The following C12orf43 variants were observed in gnomAD, a reference collection of about 807,000 sequenced individuals.
The protein encoded by C12orf43 is protein CUSTOS.
In C12orf43, 15 loss-of-function variants were observed where a neutral mutation model predicts 20.6. The observed-to-expected ratio is 0.73, with a 90% CI of 0.49 to 1.12. The LOEUF is 1.12. C12orf43 is among the 50% of genes most tolerant of loss of function. The pLI, the probability that C12orf43 is intolerant of heterozygous loss-of-function variation, is 0.00. For synonymous variants in C12orf43, 144 were observed against 130.8 expected, an observed-to-expected ratio of 1.10 and a Z score of -0.69; for missense variants, 334 against 344.4, an observed-to-expected ratio of 0.97 and a Z score of 0.24.
intron 3 of C12orf43, among the ~76,000 whole-genome samples, chr12:121,007,716 A>G (rs1461702092): frequency 6.6e-6 from 1 of 152,240 alleles, no homozygotes; most frequent in Non-Finnish European, 1.5e-5. Context: ...GCCACTGTGC[A>G]CAGCAGAGAA....
Position 121,002,534 on chromosome 12 carries a change from A to G in C12orf43, c.*1619T>C, listed in dbSNP as rs562757707. The G allele has an allele frequency of 2.0e-6, 1 of 497,670 alleles. No individual in the cohort carries two copies. Among genetic ancestry groups the G allele is most frequent in the Admixed American group, 2.3e-5 (1 of 43,386 alleles). The allele number at this position is 497,670 out of a possible 1,614,324, so 30.8% of individuals were successfully genotyped here. On this transcript the variant is annotated 3_prime_UTR_variant, in exon 6 of 6. Coordinates refer to ENST00000288757, the MANE Select transcript of C12orf43 (RefSeq NM_022895.3). ...GAAACTTCTTGCTTGTCCACAAATC[A>G]TTCAGATGGGGTTTGGGCAGGTAGC...
intron 3 of C12orf43, among the ~76,000 whole-genome samples, chr12:121,007,553 T>C (rs1039023249): frequency 1.3e-5 from 2 of 152,248 alleles, no homozygotes; most frequent in African/African-American, 4.8e-5. Context: ...CACAAGTAGC[T>C]GCTCAGCAAA....
rs1024895146 is a variant in C12orf43 at position 121,002,612 on chromosome 12, C to G, written c.*1541G>C. 2.8e-6 allele frequency: 1 copy of G among 356,108 alleles called. No homozygotes were observed. 22.1% of individuals were successfully genotyped at this position (356,108 alleles called of 1,614,324 possible). A position where few individuals can be genotyped will look rare whatever the true frequency, so the allele number is the denominator to read the frequency against. On this transcript the variant is annotated 3_prime_UTR_variant, in exon 6 of 6. Coordinates refer to ENST00000288757, the MANE Select transcript of C12orf43 (RefSeq NM_022895.3). ...CGAAGAGGAGACAGGCTCCAGCACC[C>G]ACGCTCTCACACCCCACATCTCTGC...
intron 3 of C12orf43, 82 bp downstream of exon 3, chr12:121,010,746 A>T (rs1241101486): frequency 5.3e-6 from 6 of 1,125,002 alleles, no homozygotes; most frequent in Non-Finnish European, 7.3e-6. Flanking sequence ...GCCAGCCTGG[A>T]CACCGTGAGC....
chr12:121,006,529 G>A, intron 3 of C12orf43, 135 bp from the exon 4 acceptor site: 1 of 784,976 alleles, frequency 1.3e-6, no homozygotes, highest in Non-Finnish European at 2.2e-6. Context: ...TAGTAAGAGG[G>A]CTGATGGTCT....
rs1456506572 is a variant in C12orf43 at position 121,011,149 on chromosome 12, G to A, written c.146-3C>T. On this transcript the variant is annotated splice_region_variant and splice_polypyrimidine_tract_variant and intron_variant, in intron 1 of 5. Transcript: ENST00000288757. ...TGACAACTGGCTATTTGCAGCACCT[G>A]TGGAAAAATGAAAATTAGGGCATTT... 1.2e-5 allele frequency: 19 copies of A among 1,613,410 alleles called. No individual in the cohort carries two copies. The highest frequency in any genetic ancestry group is 1.3e-5 in the Non-Finnish European group (15 of 1,179,666).
At chr12:121,016,260 A>G (rs1868903182) in intron 1 of C12orf43, 70 bp downstream of exon 1, 2 of 1,605,104 alleles carry the variant, frequency 1.2e-6, no homozygotes, top group South Asian at 2.2e-5. Flanking sequence ...TCTCCTCACC[A>G]TCCATCCTCT....
Position 121,013,164 on chromosome 12 carries a change from C to G in C12orf43, c.146-2018G>C, listed in dbSNP as rs777586378. On this transcript the variant is annotated intron_variant, in intron 1 of 5. Transcript: ENST00000288757. ...GTACTCCAGAGCACAACACAGAATG[C>G]TAAACACGCCCCATGCTCCTGGAGG... Among the ~76,000 whole-genome samples, 109 of 152,152 alleles carry G rather than the reference C, an allele frequency of 7.2e-4. 2 individuals are homozygous for G. The highest frequency in any genetic ancestry group is 4.4e-4 in the Non-Finnish European group (30 of 68,024).
In C12orf43 at chr12:121,003,911, C is replaced by A; in HGVS notation, c.*242G>T. 1.7e-6 allele frequency: 1 copy of A among 583,952 alleles called. No individual in the cohort carries two copies. Among genetic ancestry groups the A allele is most frequent in the South Asian group, 2.1e-5 (1 of 48,104 alleles). 36.2% of individuals were successfully genotyped at this position (583,952 alleles called of 1,614,324 possible). A position where few individuals can be genotyped will look rare whatever the true frequency, so the allele number is the denominator to read the frequency against. On this transcript the variant is annotated 3_prime_UTR_variant, in exon 6 of 6. Coordinates refer to ENST00000288757, the MANE Select transcript of C12orf43 (RefSeq NM_022895.3). ...AAATGTTCTGGAACCACAGCGCCCC[C>A]GCCAGCCCTCCGTGGGAGCACAGAG...
chr12:121,002,496 G>A lies in C12orf43; in HGVS notation c.*1657C>T, dbSNP rs1877576576. The A allele has an allele frequency of 3.9e-6, 2 of 513,504 alleles. No individual in the cohort carries two copies. The highest frequency in any genetic ancestry group is 1.9e-5 in the African/African-American group (1 of 52,700). The allele number at this position is 513,504 out of a possible 1,614,324, so 31.8% of individuals were successfully genotyped here. Reference sequence around the variant, plus strand: ...TTATTTAACTTTTAGTAAAGTCAAGGAGAAATGCGGTGGAAACTTCTTGCT... The same window carrying A: ...TTATTTAACTTTTAGTAAAGTCAAGAAGAAATGCGGTGGAAACTTCTTGCT... On this transcript the variant is annotated 3_prime_UTR_variant, in exon 6 of 6. Transcript: ENST00000288757.
Position 121,016,455 on chromosome 12 carries a change from G to A in C12orf43, c.20C>T (p.Thr7Ile). The A allele has an allele frequency of 6.2e-7, 1 of 1,614,044 alleles. No homozygotes were observed. The highest frequency in any genetic ancestry group is 8.5e-7 in the Non-Finnish European group (1 of 1,180,024). Residue 7 changes from threonine (T) to isoleucine (I), a missense_variant, in exon 1 of 6, where the codon ACA becomes ATA. Transcript: ENST00000288757. Reference sequence around the variant, plus strand: ...GTTACTACTTTCCGAATCGCTCACTGTGCCACTGGGCGCCGCCATCTTGAA... The same window carrying A: ...GTTACTACTTTCCGAATCGCTCACTATGCCACTGGGCGCCGCCATCTTGAA... Reference protein sequence around the residue: MAAPSGTVSDSESSNSS... With the variant: MAAPSGIVSDSESSNSS...
In C12orf43 at chr12:121,001,031, G is replaced by C. The variant is rs970430744; in HGVS notation, c.*3122C>G. 2 of 1,611,180 alleles carry C rather than the reference G, an allele frequency of 1.2e-6. No individual in the cohort carries two copies. The highest frequency in any genetic ancestry group is 2.7e-5 in the African/African-American group (2 of 74,918). ...GCAGGTGGGGTGGGTGTGGGTGCCTGGTGGGTGGCTAGCAGCCTTGTTTGC... is the reference window on the plus strand; with the variant it reads ...GCAGGTGGGGTGGGTGTGGGTGCCTCGTGGGTGGCTAGCAGCCTTGTTTGC... On this transcript the variant is annotated 3_prime_UTR_variant, in exon 6 of 6. Coordinates refer to ENST00000288757, the MANE Select transcript of C12orf43 (RefSeq NM_022895.3).
chr12:121,001,876 C>A lies in C12orf43; in HGVS notation c.*2277G>T. The A allele has an allele frequency of 1.9e-6, 1 of 517,944 alleles. No homozygotes were observed. 32.1% of individuals were successfully genotyped at this position (517,944 alleles called of 1,614,324 possible). A position where few individuals can be genotyped will look rare whatever the true frequency, so the allele number is the denominator to read the frequency against. ...TCCCATCCCCAGCGATTCCCTCTCC[C>A]AGGCCCCATGACCTCCAGCTTTCCT... is the stretch of plus-strand genomic sequence containing the variant. On this transcript the variant is annotated 3_prime_UTR_variant, in exon 6 of 6. Transcript: ENST00000288757.
rs1877851081 is a variant in C12orf43 at position 121,004,816 on chromosome 12, A to G, written c.452+187T>C. On this transcript the variant is annotated intron_variant, in intron 5 of 5. Coordinates refer to ENST00000288757, the MANE Select transcript of C12orf43 (RefSeq NM_022895.3). The surrounding 1 kb of genome is among the most constrained non-coding windows in gnomAD (Gnocchi z 5.6). ...TGGCCCAAGACAGGTGCTCAAAAGC[A>G]GTAAACATCCAAAGCTGCCGCCAAG... 6.6e-6 allele frequency among the ~76,000 whole-genome samples: 1 copy of G among 152,248 alleles called. No individual in the cohort carries two copies. The highest frequency in any genetic ancestry group is 1.5e-5 in the Non-Finnish European group (1 of 68,044).
In C12orf43 at chr12:121,005,957, C is replaced by A; in HGVS notation, c.361+364G>T. On this transcript the variant is annotated intron_variant, in intron 4 of 5. Coordinates refer to ENST00000288757, the MANE Select transcript of C12orf43 (RefSeq NM_022895.3). This position sits in a 1 kb window ranked among gnomAD's most constrained non-coding sequence, Gnocchi z 5.6. ...ATTAGCCAGGTGTGGTGGTGCACGCCTGTAGTCCCAGAACTTTGGAAGGCT... is the reference window on the plus strand; with the variant it reads ...ATTAGCCAGGTGTGGTGGTGCACGCATGTAGTCCCAGAACTTTGGAAGGCT... 5.1e-6 allele frequency: 1 copy of A among 196,772 alleles called. No homozygotes were observed. The highest frequency in any genetic ancestry group is 1.0e-5 in the Non-Finnish European group (1 of 96,482). The allele number at this position is 196,772 out of a possible 1,614,324, so 12.2% of individuals were successfully genotyped here. A position where few individuals can be genotyped will look rare whatever the true frequency, so the allele number is the denominator to read the frequency against.
intron 1 of C12orf43, among the ~76,000 whole-genome samples, chr12:121,012,054 A>C (rs769564107): frequency 1.3e-5 from 2 of 152,104 alleles, no homozygotes; most frequent in Non-Finnish European, 2.9e-5. Flanking sequence ...ACGGAAACAA[A>C]GTAGGCGAGA....
At chr12:121,006,082 G>A (rs1877991079) in intron 4 of C12orf43, 1 of 466,154 alleles carries the variant, frequency 2.1e-6, no homozygotes, top group Admixed American at 3.6e-5. Context: ...CAGGGGTGGT[G>A]GTGTGTGTCT....
At chr12:121,011,503 AAT>A (rs1878471277) in intron 1 of C12orf43, among the ~76,000 whole-genome samples, 1 of 150,350 alleles carries the variant, frequency 6.7e-6, no homozygotes, top group Non-Finnish European at 1.5e-5. Flanking sequence ...TAAAACTTAA[AAT>A]AGTTATATAT....
chr12:121,016,388 C>A lies in C12orf43; in HGVS notation c.87G>T (p.Ala29=). 6.2e-7 allele frequency: 1 copy of A among 1,613,948 alleles called. No homozygotes were observed. Among genetic ancestry groups the A allele is most frequent in the Non-Finnish European group, 8.5e-7 (1 of 1,180,046 alleles). ...DAEELERCRE[A]AMPAWGLEQR... is the part of the protein sequence containing the mutation. ...GCTCCAAGCCCCAAGCCGGCATTGC[C>A]GCCTCGCGGCACCGCTCCAGCTCCT... Residue 29 remains alanine (A), a synonymous_variant, in exon 1 of 6, where the codon GCG becomes GCT. Transcript: ENST00000288757.
Sources: gnomAD v4.1 joint callset for allele counts (sites outside exome capture counted in the v4.1 genomes callset) on GRCh38, gnomAD v4.1.1 for gene constraint, Gnocchi (gnomAD v3.1) non-coding constraint, MANE v1.5 for transcripts, NCBI Gene and HGNC (gene_info 2026-07-23, HGNC 2026-07-21) for gene names.